TTC7B: variants seen among roughly 807,000 people sequenced by gnomAD.
The protein encoded by TTC7B is tetratricopeptide repeat protein 7B.
TTC7B carries 28 observed loss-of-function variants against 106.8 expected under a neutral mutation model. The ratio of observed to expected loss-of-function variants is 0.26; its 90% CI spans 0.19 to 0.36. The LOEUF (loss-of-function observed/expected upper bound fraction) is 0.36, where lower values mean the gene tolerates loss of function less well. Ranked by LOEUF, TTC7B falls within the 10% of genes least tolerant of loss-of-function variation. The pLI, the probability that TTC7B is intolerant of heterozygous loss-of-function variation, is 1.00. For synonymous variants in TTC7B, 405 were observed against 430.6 expected (o/e 0.94, Z 0.74); for missense variants, 862 against 1,076.4 (o/e 0.80, Z 2.79).
Position 90,528,852 on chromosome 14 carries a change from C to T in TTC7B, c.*12516G>A, listed in dbSNP as rs1889212458. 1.3e-5 allele frequency: 2 copies of T among 151,624 alleles called. No homozygotes were observed. The highest frequency in any genetic ancestry group is 4.9e-5 in the African/African-American group (2 of 40,896). The allele number at this position is 151,624 out of a possible 1,614,324, so 9.4% of individuals were successfully genotyped here. A position where few individuals can be genotyped will look rare whatever the true frequency, so the allele number is the denominator to read the frequency against. ...TTTCTGATGGTGTGACATGACTGCG[C>T]TTCGTTACCCATTTCCGATGGTGTG... On this transcript the variant is annotated 3_prime_UTR_variant, in exon 20 of 20. Coordinates refer to ENST00000328459, the MANE Select transcript of TTC7B (RefSeq NM_001010854.2).
At position 90,802,415 on chromosome 14, in the gene TTC7B, C is replaced by T. The variant is rs1190847512; in HGVS notation, c.121+13760G>A. Among the ~76,000 whole-genome samples the T allele has an allele frequency of 6.6e-6, 1 of 152,062 alleles. No homozygotes were observed. The highest frequency in any genetic ancestry group is 2.4e-5 in the African/African-American group (1 of 41,410). On this transcript the variant is annotated intron_variant, in intron 1 of 19. Transcript: ENST00000328459. This position sits in a 1 kb window ranked among gnomAD's most constrained non-coding sequence, Gnocchi z 4.7. ...GTGAGAACGGAAGGGATTCTGAGCACAGGTGAAGGAGCCGCTGGCCTCTGA... is the reference window on the plus strand; with the variant it reads ...GTGAGAACGGAAGGGATTCTGAGCATAGGTGAAGGAGCCGCTGGCCTCTGA...
rs1889310490 is a variant in TTC7B at position 90,532,511 on chromosome 14, C to T, written c.*8857G>A. On this transcript the variant is annotated 3_prime_UTR_variant, in exon 20 of 20. Coordinates refer to ENST00000328459, the MANE Select transcript of TTC7B (RefSeq NM_001010854.2). ...ACCATCCCTCTTAAAGGTGAAGAAG[C>T]CCAGTGTCCTCCAGGGTGGGCACCT... The T allele has an allele frequency of 1.3e-5, 2 of 152,332 alleles. No homozygotes were observed. The highest frequency in any genetic ancestry group is 4.1e-4 in the South Asian group (2 of 4,820). 9.4% of individuals were successfully genotyped at this position (152,332 alleles called of 1,614,324 possible).
chr14:90,588,899 A>C (rs1891834497), intron 18 of TTC7B, among the ~76,000 whole-genome samples: 1 of 150,104 alleles, frequency 6.7e-6, no homozygotes, highest in Admixed American at 6.6e-5. Flanking sequence ...AAAAAAAAAA[A>C]AAAAAAACCC....
intron 15 of TTC7B, among the ~76,000 whole-genome samples, chr14:90,639,188 G>A (rs1289971767): frequency 6.6e-6 from 1 of 152,176 alleles, no homozygotes; most frequent in African/African-American, 2.4e-5. Context: ...GTCCATAAAG[G>A]AAACGACTTC....
intron 13 of TTC7B, among the ~76,000 whole-genome samples, chr14:90,651,965 G>C (rs1432238793): frequency 6.6e-6 from 1 of 152,204 alleles, no homozygotes; most frequent in Admixed American, 6.5e-5. Context: ...AGAAATCAGT[G>C]TAACTCAGAT....
rs1890918516 is a variant in TTC7B at position 90,773,169 on chromosome 14, CT to C, written c.445+7568del. Among the ~76,000 whole-genome samples, 2 of 152,190 alleles carry C rather than the reference CT, an allele frequency of 1.3e-5. 1 individual carries two copies. The highest frequency in any genetic ancestry group is 4.1e-4 in the South Asian group (2 of 4,826). ...CATGAGATCTGACTATTCAAATCCC[CT>C]TCCACTGACCTTGGATTTATAAATT... is the stretch of plus-strand genomic sequence containing the variant. On this transcript the variant is annotated intron_variant, in intron 3 of 19. Transcript: ENST00000328459.
chr14:90,741,990 G>A (rs936926854), intron 4 of TTC7B, among the ~76,000 whole-genome samples: 11 of 152,144 alleles, frequency 7.2e-5, no homozygotes, highest in Admixed American at 1.3e-4. Flanking sequence ...GTGTACCTAC[G>A]CTGAGATTTA....
intron 19 of TTC7B, among the ~76,000 whole-genome samples, chr14:90,563,839 C>T (rs1890684782): frequency 6.6e-6 from 1 of 152,124 alleles, no homozygotes; most frequent in East Asian, 1.9e-4. Flanking sequence ...TTGCCTCATC[C>T]ACAAGAAGCA....
At chr14:90,558,078 T>C (rs1338475946) in intron 19 of TTC7B, among the ~76,000 whole-genome samples, 2 of 152,224 alleles carry the variant, frequency 1.3e-5, no homozygotes, top group African/African-American at 4.8e-5. Flanking sequence ...TAGATGAGTA[T>C]GGAAGGGGTA....
At chr14:90,628,698 T>A (rs931796480) in intron 15 of TTC7B, among the ~76,000 whole-genome samples, 1 of 152,218 alleles carries the variant, frequency 6.6e-6, no homozygotes, top group African/African-American at 2.4e-5. Context: ...GTGGATGATG[T>A]GTCTCTCTGG....
At position 90,657,760 on chromosome 14, in the gene TTC7B, AGCATC is replaced by A; in HGVS notation, c.1237-487_1237-483del. On this transcript the variant is annotated intron_variant, in intron 10 of 19. Transcript: ENST00000328459. This position sits in a 1 kb window ranked among gnomAD's most constrained non-coding sequence, Gnocchi z 4.2. ...GCGTGCCTCTAAACACCTCTGGTGT[AGCATC>A]TCATTCTCCTGATAACACATCTATG... The A allele has an allele frequency of 5.5e-6, 1 of 180,812 alleles. No homozygotes were observed. Among genetic ancestry groups the A allele is most frequent in the South Asian group, 1.1e-4 (1 of 8,934 alleles). The allele number at this position is 180,812 out of a possible 1,614,324, so 11.2% of individuals were successfully genotyped here.
chr14:90,561,345 T>C (rs1272741115), intron 19 of TTC7B, among the ~76,000 whole-genome samples: 1 of 151,586 alleles, frequency 6.6e-6, no homozygotes, highest in Admixed American at 6.6e-5. Flanking sequence ...TGTGCACGTG[T>C]GTGTGCATGT....
intron 19 of TTC7B, among the ~76,000 whole-genome samples, chr14:90,561,487 T>A (rs1890579210): frequency 6.6e-6 from 1 of 152,238 alleles, no homozygotes; most frequent in Non-Finnish European, 1.5e-5. Flanking sequence ...ACATTTCTCC[T>A]GAGAACCAAG....
intron 4 of TTC7B, among the ~76,000 whole-genome samples, chr14:90,733,267 G>A (rs908325575): frequency 2.0e-5 from 3 of 151,504 alleles, no homozygotes; most frequent in African/African-American, 7.3e-5. Context: ...GAGGGGAAGC[G>A]GAGACTGCTC....
intron 5 of TTC7B, among the ~76,000 whole-genome samples, chr14:90,702,530 T>A (rs1742097): frequency 0.13 from 19,432 of 147,852 alleles, 1,398 homozygotes; most frequent in Middle Eastern, 0.17. Context: ...ATCATTGTTT[T>A]AAAAAAAAAA....
At chr14:90,690,276 C>T (rs1887418863) in intron 6 of TTC7B, among the ~76,000 whole-genome samples, 1 of 152,160 alleles carries the variant, frequency 6.6e-6, no homozygotes, top group Non-Finnish European at 1.5e-5. Flanking sequence ...GGCTCCTGGC[C>T]CAGAGGTTTT....
chr14:90,756,372 C>CTTTTTTTTTTGTTTTTT (rs1890294084), intron 3 of TTC7B, among the ~76,000 whole-genome samples: 1 of 139,760 alleles, frequency 7.2e-6, no homozygotes, highest in Non-Finnish European at 1.6e-5. Context: ...TTATTTTCTT[C>CTTTTTTTTTTGTTTTTT]TTTTTTTTTT....
chr14:90,813,399 C>T (rs895502033), intron 1 of TTC7B, among the ~76,000 whole-genome samples: 1 of 152,122 alleles, frequency 6.6e-6, no homozygotes, highest in African/African-American at 2.4e-5. Context: ...GTTTTGTTTA[C>T]CAGTGTATTT....
intron 16 of TTC7B, among the ~76,000 whole-genome samples, chr14:90,615,340 AG>A (rs1893025592): frequency 6.6e-6 from 1 of 152,112 alleles, no homozygotes; most frequent in Non-Finnish European, 1.5e-5. Flanking sequence ...TGGATCTGGA[AG>A]GGGGTGGGAA....
Sources: gnomAD v4.1 joint callset for allele counts (sites outside exome capture counted in the v4.1 genomes callset) on GRCh38, gnomAD v4.1.1 for gene constraint, Gnocchi (gnomAD v3.1) non-coding constraint, MANE v1.5 for transcripts, NCBI Gene and HGNC (gene_info 2026-07-23, HGNC 2026-07-21) for gene names.